Variants in PNLIPRP3 observed in about 807,000 individuals in gnomAD.
PNLIPRP3 encodes pancreatic lipase-related protein 3.
PNLIPRP3 carries 58 observed loss-of-function variants against 52.8 expected under a neutral mutation model. The observed-to-expected ratio is 1.10, with a 90% CI of 0.89 to 1.37. The LOEUF is 1.37. Among genes scored for constraint, PNLIPRP3 ranks in the 40% most tolerant of loss-of-function variants. PNLIPRP3 has a pLI of 0.00. For missense variants in PNLIPRP3, 593 were observed against 561.6 expected (o/e 1.06, Z -0.57); for synonymous variants, 192 against 185.0 (o/e 1.04, Z -0.31).
At chr10:116,440,829 T>A (rs111361869) in intron 2 of PNLIPRP3, among the ~76,000 whole-genome samples, 1 of 152,202 alleles carries the variant, frequency 6.6e-6, no homozygotes, top group Non-Finnish European at 1.5e-5. Flanking sequence ...AGTTTCTGTG[T>A]CTGCAGCTTT....
intron 8 of PNLIPRP3, among the ~76,000 whole-genome samples, chr10:116,468,972 T>C (rs1846322921): frequency 6.6e-6 from 1 of 152,250 alleles, no homozygotes; most frequent in Non-Finnish European, 1.5e-5. Context: ...TCATATCATC[T>C]ACCCATTTTT....
At chr10:116,464,831 G>C (rs1446284040) in intron 7 of PNLIPRP3, among the ~76,000 whole-genome samples, 2 of 152,212 alleles carry the variant, frequency 1.3e-5, no homozygotes. Flanking sequence ...CAGCGAATAG[G>C]GGTGTGTCTC....
In PNLIPRP3 at chr10:116,447,037, C is replaced by T. The variant is rs192447981; in HGVS notation, c.456+2524C>T. 7.7e-4 allele frequency among the ~76,000 whole-genome samples: 117 copies of T among 152,284 alleles called. 1 individual carries two copies. The highest frequency in any genetic ancestry group is 2.3e-3 in the South Asian group (11 of 4,822). Reference sequence around the variant, plus strand: ...CAAAGATGGGAAGAAAGATGTCATTCAAGCAGTCACTATAGCCCCTTCCCC... The same window carrying T: ...CAAAGATGGGAAGAAAGATGTCATTTAAGCAGTCACTATAGCCCCTTCCCC... On this transcript the variant is annotated intron_variant, in intron 4 of 11. Coordinates refer to ENST00000369230, the MANE Select transcript of PNLIPRP3 (RefSeq NM_001011709.3).
chr10:116,461,276 A>T lies in PNLIPRP3; in HGVS notation c.794A>T (p.Asn265Ile), dbSNP rs764738281. The T allele has an allele frequency of 1.9e-6, 3 of 1,612,390 alleles. No homozygotes were observed. The highest frequency in any genetic ancestry group is 4.5e-5 in the East Asian group (2 of 44,878). The stretch of plus-strand genomic sequence containing the variant: ...ACACCTTTACTGAAATTTAACTTCA[A>T]TGCTTACAAAAAAGGTAAATACTTT... ...LITPLLKFNFNAYKKEMASFF... is the reference protein window; with the variant it reads ...LITPLLKFNFIAYKKEMASFF... Residue 265 changes from asparagine to isoleucine, a missense_variant, in exon 7 of 12, where the codon AAT (asparagine) becomes ATT (isoleucine). Asn to Ile is a moderately radical substitution (Grantham distance 149). Coordinates refer to ENST00000369230, the MANE Select transcript of PNLIPRP3 (RefSeq NM_001011709.3).
intron 2 of PNLIPRP3, among the ~76,000 whole-genome samples, chr10:116,439,251 C>T (rs1845823019): frequency 1.3e-5 from 2 of 152,180 alleles, no homozygotes; most frequent in Non-Finnish European, 2.9e-5. Flanking sequence ...AACTTTCATA[C>T]AGTTTCAGGG....
At chr10:116,472,165 A>T (rs1397959648) in intron 10 of PNLIPRP3, among the ~76,000 whole-genome samples, 2 of 152,232 alleles carry the variant, frequency 1.3e-5, no homozygotes, top group African/African-American at 4.8e-5. Context: ...GGTATTCAAG[A>T]TATATTTTTA....
intron 2 of PNLIPRP3, among the ~76,000 whole-genome samples, chr10:116,441,906 G>A (rs1845864315): frequency 6.6e-6 from 1 of 152,180 alleles, no homozygotes; most frequent in Non-Finnish European, 1.5e-5. Flanking sequence ...AGGAGTGTTA[G>A]CTATTATAAT....
chr10:116,453,037 A>G (rs1251101085), intron 4 of PNLIPRP3, among the ~76,000 whole-genome samples: 2 of 152,140 alleles, frequency 1.3e-5, no homozygotes, highest in Admixed American at 6.5e-5. Flanking sequence ...CTCAACTCCA[A>G]CCCCAGAGAG....
At chr10:116,428,992 G>T (rs774837457) in intron 1 of PNLIPRP3, among the ~76,000 whole-genome samples, 25 of 151,818 alleles carry the variant, frequency 1.6e-4, no homozygotes, top group Admixed American at 5.9e-4. Context: ...AAGCCCAGAT[G>T]ATTGATCTGT....
intron 1 of PNLIPRP3, among the ~76,000 whole-genome samples, chr10:116,433,553 G>A (rs919737284): frequency 1.3e-5 from 2 of 152,126 alleles, no homozygotes; most frequent in African/African-American, 4.8e-5. Context: ...TACAGAAACT[G>A]AAATCTACAT....
intron 3 of PNLIPRP3, among the ~76,000 whole-genome samples, chr10:116,444,012 G>T (rs1173514610): frequency 1.3e-5 from 2 of 151,708 alleles, no homozygotes; most frequent in Non-Finnish European, 2.9e-5. Flanking sequence ...CAGCATAGCT[G>T]GGGAGGCCTC....
At chr10:116,431,749 G>A (rs755501015) in intron 1 of PNLIPRP3, among the ~76,000 whole-genome samples, 6 of 152,130 alleles carry the variant, frequency 3.9e-5, no homozygotes, top group Non-Finnish European at 7.3e-5. Flanking sequence ...TGCAGAGTAA[G>A]TCATTGTGGA....
chr10:116,460,909 TAAC>T (rs1352306707), intron 5 of PNLIPRP3, 54 bp from the exon 6 acceptor site: 2 of 1,580,018 alleles, frequency 1.3e-6, no homozygotes, highest in Non-Finnish European at 1.7e-6. Context: ...GCTTCCAAAG[TAAC>T]AACAATATTA....
At chr10:116,454,166 T>G (rs1375877343) in intron 4 of PNLIPRP3, among the ~76,000 whole-genome samples, 1 of 152,182 alleles carries the variant, frequency 6.6e-6, no homozygotes, top group African/African-American at 2.4e-5. Context: ...TTGCCCAGGC[T>G]GGAGTGCAGT....
At chr10:116,473,047 G>A (rs1243526360) in intron 10 of PNLIPRP3, among the ~76,000 whole-genome samples, 1 of 152,218 alleles carries the variant, frequency 6.6e-6, no homozygotes, top group Non-Finnish European at 1.5e-5. Flanking sequence ...CATCTAACCT[G>A]GGGCAGCTGG....
chr10:116,462,834 AT>A (rs1846215612), intron 7 of PNLIPRP3, among the ~76,000 whole-genome samples: 1 of 152,180 alleles, frequency 6.6e-6, no homozygotes, highest in Admixed American at 6.5e-5. Flanking sequence ...TAAAATATAC[AT>A]TTATCATAAG....
chr10:116,471,784 G>T lies in PNLIPRP3; in HGVS notation c.1077G>T (p.Leu359Phe). The change falls in exon 10 of 12, where the codon TTG (leucine) becomes TTT (phenylalanine). Residue 359 changes from leucine (L) to phenylalanine (F), a missense_variant. Coordinates refer to ENST00000369230, the MANE Select transcript of PNLIPRP3 (RefSeq NM_001011709.3). ...TATATCTAGGTTGGAGGCACAAATT[G>T]TCTGTTAAACTCAGTGGAAGCGAAG... ...LSPFARWRHK[L>F]SVKLSGSEVT... 1.2e-6 allele frequency: 2 copies of T among 1,610,050 alleles called. No individual in the cohort carries two copies. Among genetic ancestry groups the T allele is most frequent in the South Asian group, 2.2e-5 (2 of 90,884 alleles).
intron 7 of PNLIPRP3, 116 bp downstream of exon 7, chr10:116,461,406 A>G: frequency 7.9e-7 from 1 of 1,267,752 alleles, no homozygotes; most frequent in Non-Finnish European, 1.1e-6. Context: ...TTCTCTCAAA[A>G]CACAGTTGCA....
chr10:116,460,103 G>A (rs948633708), intron 5 of PNLIPRP3, among the ~76,000 whole-genome samples: 6 of 152,114 alleles, frequency 3.9e-5, no homozygotes, highest in Non-Finnish European at 7.4e-5. Flanking sequence ...TCCTAGTTCC[G>A]CAAGACTGGG....
Sources: gnomAD v4.1 joint callset for allele counts (sites outside exome capture counted in the v4.1 genomes callset) on GRCh38, gnomAD v4.1.1 for gene constraint, MANE v1.5 for transcripts, NCBI Gene and HGNC (gene_info 2026-07-23, HGNC 2026-07-21) for gene names.